The following CA12 variants were observed in gnomAD, a reference collection of about 807,000 sequenced individuals.
CA12 encodes carbonate dehydratase XII.
CA12 carries 36 observed loss-of-function variants against 46.8 expected under a neutral mutation model. The ratio of observed to expected loss-of-function variants is 0.77; its 90% CI spans 0.59 to 1.02. CA12 has a LOEUF of 1.02. Among genes scored for constraint, CA12 ranks in the 50% least tolerant of loss-of-function variants. The probability of loss-of-function intolerance (pLI) is 0.00; values close to 1 mark genes in which losing one functional copy is unlikely to be tolerated. For missense variants in CA12, 436 were observed against 451.4 expected, an observed-to-expected ratio of 0.97 and a Z score of 0.31; for synonymous variants, 202 against 187.0, an observed-to-expected ratio of 1.08 and a Z score of -0.65.
In CA12 at chr15:63,326,263, G is replaced by A. The variant is rs773387934; in HGVS notation, c.*22C>T. ...GTCCAAAGCAAGGTCCTTCCTGGAT[G>A]TGCCCGGGAGCTCCGGGGACCTCAA... On this transcript the variant is annotated 3_prime_UTR_variant, in exon 11 of 11. Transcript: ENST00000178638. 4.4e-6 allele frequency: 7 copies of A among 1,605,470 alleles called. No homozygotes were observed. The highest frequency in any genetic ancestry group is 1.7e-4 in the Middle Eastern group (1 of 6,020).
At chr15:63,366,960 C>T (rs547088241) in intron 2 of CA12, among the ~76,000 whole-genome samples, 8 of 152,234 alleles carry the variant, frequency 5.3e-5, no homozygotes, top group African/African-American at 1.9e-4. Flanking sequence ...CTTGCTTTGT[C>T]GCCCAGACTG....
chr15:63,334,412 T>A (rs1358956032), intron 8 of CA12, among the ~76,000 whole-genome samples: 1 of 151,572 alleles, frequency 6.6e-6, no homozygotes, highest in Non-Finnish European at 1.5e-5. Context: ...TGCACCACCA[T>A]GCCTGGCTGA....
In CA12 at chr15:63,327,102, A is replaced by G. The variant is rs772160811; in HGVS notation, c.992+47T>C. The G allele has an allele frequency of 1.3e-6, 2 of 1,519,288 alleles. No homozygotes were observed. Among genetic ancestry groups the G allele is most frequent in the Non-Finnish European group, 9.1e-7 (1 of 1,094,356 alleles). The allele number at this position is 1,519,288 out of a possible 1,614,324, so 94.1% of individuals were successfully genotyped here. A position where few individuals can be genotyped will look rare whatever the true frequency, so the allele number is the denominator to read the frequency against. On this transcript the variant is annotated intron_variant, in intron 10 of 10. Coordinates refer to ENST00000178638, the MANE Select transcript of CA12 (RefSeq NM_001218.5). The surrounding 1 kb of genome is among the most constrained non-coding windows in gnomAD (Gnocchi z 4.5). Reference sequence around the variant, plus strand: ...TGCCTTCCCAGGCAGACTAATCATCATGGACACATAGCTGTCCATTCCCAT... The same window carrying G: ...TGCCTTCCCAGGCAGACTAATCATCGTGGACACATAGCTGTCCATTCCCAT...
chr15:63,360,146 A>G (rs572381991), intron 2 of CA12, among the ~76,000 whole-genome samples: 2 of 152,348 alleles, frequency 1.3e-5, no homozygotes, highest in Admixed American at 1.3e-4. Context: ...GACAAGGGAC[A>G]GTTTAATACT....
rs2038895744 is a variant in CA12, at chr15:63,328,378, C to A, written c.875-248G>T. ...TTGAGATGGAATCTCGCTCTGCCGC[C>A]CAGGCTGGAATGCAGTGGTGCGATC... On this transcript the variant is annotated intron_variant, in intron 8 of 10. Transcript: ENST00000178638. This position sits in a 1 kb window ranked among gnomAD's most constrained non-coding sequence, Gnocchi z 5.9. Among the ~76,000 whole-genome samples, 1 of 151,334 alleles carries A rather than the reference C, an allele frequency of 6.6e-6. No individual in the cohort carries two copies. Among genetic ancestry groups the A allele is most frequent in the Non-Finnish European group, 1.5e-5 (1 of 67,866 alleles).
At chr15:63,338,468 T>G (rs960848263) in intron 8 of CA12, among the ~76,000 whole-genome samples, 1 of 152,146 alleles carries the variant, frequency 6.6e-6, no homozygotes, top group Non-Finnish European at 1.5e-5. Flanking sequence ...AGAAGTCTGA[T>G]CTCATGGAAA....
At chr15:63,353,146 A>G (rs1480409422) in intron 2 of CA12, among the ~76,000 whole-genome samples, 1 of 152,126 alleles carries the variant, frequency 6.6e-6, no homozygotes, top group African/African-American at 2.4e-5. Context: ...AAGTAAACCA[A>G]TGCACAAGGA....
intron 2 of CA12, among the ~76,000 whole-genome samples, chr15:63,350,141 T>A (rs1020236630): frequency 7.2e-5 from 11 of 152,114 alleles, no homozygotes; most frequent in Non-Finnish European, 1.3e-4. Context: ...CTAGTGGGTG[T>A]CCCCGCCTTG....
intron 2 of CA12, among the ~76,000 whole-genome samples, chr15:63,362,635 T>G (rs2039378317): frequency 6.6e-6 from 1 of 152,210 alleles, no homozygotes; most frequent in Non-Finnish European, 1.5e-5. Flanking sequence ...TTCCCCAGGA[T>G]GAAGCCTGAA....
chr15:63,364,808 A>G (rs1246406062), intron 2 of CA12, among the ~76,000 whole-genome samples: 3 of 152,178 alleles, frequency 2.0e-5, no homozygotes, highest in African/African-American at 4.8e-5. Flanking sequence ...CCACTGCCCA[A>G]CCTCTTCCAA....
At position 63,345,816 on chromosome 15, in the gene CA12, CT is replaced by C. The variant is rs1260443982; in HGVS notation, c.287-198del. 6.6e-6 allele frequency among the ~76,000 whole-genome samples: 1 copy of C among 152,214 alleles called. No individual in the cohort carries two copies. The highest frequency in any genetic ancestry group is 1.5e-5 in the Non-Finnish European group (1 of 68,038). ...TGGGCTCTTTCCCTGAGAATGTTCC[CT>C]TTTCCCCAAAGCAACTCCAGTGGCA... is the stretch of plus-strand genomic sequence containing the variant. On this transcript the variant is annotated intron_variant, in intron 3 of 10. Coordinates refer to ENST00000178638, the MANE Select transcript of CA12 (RefSeq NM_001218.5). This position sits in a 1 kb window ranked among gnomAD's most constrained non-coding sequence, Gnocchi z 4.3.
rs75892037 is a variant in CA12 at position 63,340,066 on chromosome 15, T to A, written c.747+222A>T. On this transcript the variant is annotated intron_variant, in intron 7 of 10. Coordinates refer to ENST00000178638, the MANE Select transcript of CA12 (RefSeq NM_001218.5). The surrounding 1 kb of genome is among the most constrained non-coding windows in gnomAD (Gnocchi z 4.4). ...AATGCAGATTTAGAGCTCTTTTTTT[T>A]AAAAAAGAACTAGGAGACATCTATT... is the stretch of plus-strand genomic sequence containing the variant. The A allele has an allele frequency of 7.6e-3, 4,477 of 587,752 alleles. 42 individuals are homozygous for A. The highest frequency in any genetic ancestry group is 0.035 in the African/African-American group (1,871 of 53,600). 36.4% of individuals were successfully genotyped at this position (587,752 alleles called of 1,614,324 possible). A position where few individuals can be genotyped will look rare whatever the true frequency, so the allele number is the denominator to read the frequency against.
chr15:63,341,867 C>G lies in CA12; in HGVS notation c.525+135G>C, dbSNP rs2039083019. On this transcript the variant is annotated intron_variant, in intron 5 of 10. Transcript: ENST00000178638. This position sits in a 1 kb window ranked among gnomAD's most constrained non-coding sequence, Gnocchi z 5.2. ...AGAGAAGGTGCACTACAGGAGGATA[C>G]CCCCTGCTCTGGAGTTGACACGGAG... is the stretch of plus-strand genomic sequence containing the variant. 1.4e-6 allele frequency: 1 copy of G among 706,808 alleles called. No individual in the cohort carries two copies. Among genetic ancestry groups the G allele is most frequent in the Non-Finnish European group, 2.6e-6 (1 of 387,782 alleles). 43.8% of individuals were successfully genotyped at this position (706,808 alleles called of 1,614,324 possible). A position where few individuals can be genotyped will look rare whatever the true frequency, so the allele number is the denominator to read the frequency against.
At chr15:63,370,671 T>A (rs1302947843) in intron 2 of CA12, among the ~76,000 whole-genome samples, 6 of 149,336 alleles carry the variant, frequency 4.0e-5, no homozygotes, top group Non-Finnish European at 8.9e-5. Flanking sequence ...TACTTGGGAG[T>A]CTGAGGCAGG....
intron 10 of CA12, among the ~76,000 whole-genome samples, chr15:63,326,938 C>T (rs2038874462): frequency 6.6e-6 from 1 of 152,232 alleles, no homozygotes. Context: ...AATCTGAGCA[C>T]AGTGACCCCT....
chr15:63,340,371 G>C lies in CA12; in HGVS notation c.664C>G (p.Arg222Gly). The C allele has an allele frequency of 1.9e-6, 3 of 1,614,066 alleles. No homozygotes were observed. Among genetic ancestry groups the C allele is most frequent in the South Asian group, 1.1e-5 (1 of 91,078 alleles). The change falls in exon 7 of 11, where the codon CGG (arginine) becomes GGG (glycine). Residue 222 changes from arginine (R) to glycine (G), a missense_variant. Physicochemically the swap from Arg to Gly is moderately radical, Grantham distance 125. Coordinates refer to ENST00000178638, the MANE Select transcript of CA12 (RefSeq NM_001218.5). The surrounding 1 kb of genome is among the most constrained non-coding windows in gnomAD (Gnocchi z 4.4). ...PERTAEYYRY[R>G]GSLTTPPCNP... ...CAAGGGGGTGTGGTCAGGGACCCCC[G>C]GTAGCGGTAATATTCAGCGGTCCTC...
rs1273112076 is a variant in CA12, at chr15:63,322,411, T to C, written c.*3874A>G. On this transcript the variant is annotated 3_prime_UTR_variant, in exon 11 of 11. Transcript: ENST00000178638. This position sits in a 1 kb window ranked among gnomAD's most constrained non-coding sequence, Gnocchi z 4.1. ...AATTAATGTCACTGGTTTTTTTTTTTTTACCTTTTTCTAGTGTGGCTACCG... is the reference window on the plus strand; with the variant it reads ...AATTAATGTCACTGGTTTTTTTTTTCTTACCTTTTTCTAGTGTGGCTACCG... The C allele has an allele frequency of 6.6e-6, 1 of 152,162 alleles. No homozygotes were observed. The highest frequency in any genetic ancestry group is 1.5e-5 in the Non-Finnish European group (1 of 68,018). The allele number at this position is 152,162 out of a possible 1,614,324, so 9.4% of individuals were successfully genotyped here. A position where few individuals can be genotyped will look rare whatever the true frequency, so the allele number is the denominator to read the frequency against.
intron 1 of CA12, among the ~76,000 whole-genome samples, chr15:63,376,442 C>T (rs2039571284): frequency 2.6e-5 from 4 of 152,092 alleles, no homozygotes; most frequent in Admixed American, 1.3e-4. Flanking sequence ...GCATTGATCT[C>T]CCTCTTTCTC....
At chr15:63,363,107 C>T (rs2039386992) in intron 2 of CA12, among the ~76,000 whole-genome samples, 1 of 152,246 alleles carries the variant, frequency 6.6e-6, no homozygotes, top group South Asian at 2.1e-4. Context: ...CGCTGGGTCC[C>T]AGGCCCTCCT....
Sources: allele counts gnomAD v4.1 joint callset (sites outside exome capture counted in the v4.1 genomes callset), GRCh38; gene constraint gnomAD v4.1.1; non-coding constraint Gnocchi (gnomAD v3.1); transcripts MANE v1.5; gene names NCBI Gene and HGNC (gene_info 2026-07-23, HGNC 2026-07-21).